Variants in ZBTB20 observed in about 807,000 individuals in gnomAD.
ZBTB20 encodes zinc finger and BTB domain containing 20.
Under a neutral mutation model 56.9 loss-of-function variants are expected in ZBTB20, and 9 were observed. That is an observed-to-expected ratio of 0.16 (90% CI 0.10 to 0.28). ZBTB20 has a LOEUF of 0.28. ZBTB20 is among the 10% of genes least tolerant of loss of function. The probability of loss-of-function intolerance (pLI) is 1.00; values close to 1 mark genes in which losing one functional copy is unlikely to be tolerated. For synonymous variants in ZBTB20, 417 were observed against 420.7 expected, an observed-to-expected ratio of 0.99 and a Z score of 0.11; for missense variants, 655 against 1,003.0, an observed-to-expected ratio of 0.65 and a Z score of 4.69.
At chr3:115,096,264 C>A (rs1487479665) in intron 1 of ZBTB20, among the ~76,000 whole-genome samples, 2 of 152,010 alleles carry the variant, frequency 1.3e-5, no homozygotes, top group Non-Finnish European at 2.9e-5. Flanking sequence ...GTAGGTAATA[C>A]CTGATTTCTA....
At chr3:114,721,635 T>C (rs1414702366) in intron 5 of ZBTB20, among the ~76,000 whole-genome samples, 8 of 152,162 alleles carry the variant, frequency 5.3e-5, no homozygotes, top group Non-Finnish European at 4.4e-5. Flanking sequence ...ATGCAGTTAG[T>C]AAGTGGTGAA....
chr3:114,614,842 C>A (rs1325866905), intron 6 of ZBTB20, among the ~76,000 whole-genome samples: 1 of 152,126 alleles, frequency 6.6e-6, no homozygotes, highest in Middle Eastern at 3.4e-3. Flanking sequence ...CAACCTCCAC[C>A]TCCCTCCCAG....
chr3:114,592,179 T>G (rs1336622306), intron 6 of ZBTB20, among the ~76,000 whole-genome samples: 1 of 152,180 alleles, frequency 6.6e-6, no homozygotes, highest in Non-Finnish European at 1.5e-5. Flanking sequence ...CTGAGAATTC[T>G]GAAGTGCTGG....
chr3:114,995,401 CT>C (rs2078984433), intron 2 of ZBTB20, among the ~76,000 whole-genome samples: 1 of 151,856 alleles, frequency 6.6e-6, no homozygotes, highest in Non-Finnish European at 1.5e-5. Context: ...TAGGTTGCTA[CT>C]TTTAGCATGC....
At chr3:114,776,795 G>A (rs1179700245) in intron 5 of ZBTB20, among the ~76,000 whole-genome samples, 1 of 152,196 alleles carries the variant, frequency 6.6e-6, no homozygotes, top group Non-Finnish European at 1.5e-5. Context: ...AGATACTGGA[G>A]ATATTAAGGG....
chr3:114,756,279 C>A (rs2068005644), intron 5 of ZBTB20, among the ~76,000 whole-genome samples: 1 of 152,086 alleles, frequency 6.6e-6, no homozygotes, highest in Non-Finnish European at 1.5e-5. Flanking sequence ...ATTCTTTGGG[C>A]TATAGATTCA....
At chr3:114,477,573 G>A (rs1214473919) in intron 7 of ZBTB20, among the ~76,000 whole-genome samples, 2 of 135,196 alleles carry the variant, frequency 1.5e-5, no homozygotes, top group Non-Finnish European at 3.0e-5. Flanking sequence ...TCAGCTCACC[G>A]CAACCTCTGC....
intron 2 of ZBTB20, among the ~76,000 whole-genome samples, chr3:114,993,027 G>A (rs2078882558): frequency 6.6e-6 from 1 of 151,886 alleles, no homozygotes; most frequent in South Asian, 2.1e-4. Flanking sequence ...CTGAGAATGA[G>A]CTAACCATAG....
intron 2 of ZBTB20, among the ~76,000 whole-genome samples, chr3:115,016,528 T>C (rs2079966507): frequency 6.6e-6 from 1 of 151,942 alleles, no homozygotes; most frequent in South Asian, 2.1e-4. Flanking sequence ...ATTTTCTGCA[T>C]ATGGCTAGCC....
rs1286112885 is a variant in ZBTB20, at chr3:114,315,739, AT to A, written c.*23265del. The A allele has an allele frequency of 1.2e-4, 18 of 152,220 alleles. No individual in the cohort carries two copies. Among genetic ancestry groups the A allele is most frequent in the Admixed American group, 8.5e-4 (13 of 15,274 alleles). 9.4% of individuals were successfully genotyped at this position (152,220 alleles called of 1,614,324 possible). ...AACACTGCGGCGGGAAAATCAGGAA[AT>A]GGGTTCACCTTTCAGCAGTCACCAC... On this transcript the variant is annotated 3_prime_UTR_variant, in exon 12 of 12. Transcript: ENST00000675478.
chr3:114,991,182 T>G (rs575611392), intron 2 of ZBTB20, among the ~76,000 whole-genome samples: 2 of 152,200 alleles, frequency 1.3e-5, no homozygotes, highest in African/African-American at 4.8e-5. Flanking sequence ...TCTCTAGTTC[T>G]TTTAATTGTG....
At chr3:114,691,756 A>C (rs753375018) in intron 6 of ZBTB20, among the ~76,000 whole-genome samples, 77 of 152,110 alleles carry the variant, frequency 5.1e-4, no homozygotes, top group Non-Finnish European at 8.1e-4. Flanking sequence ...AGAGTAAGGA[A>C]ATATATCAAA....
chr3:114,716,844 G>C, intron 5 of ZBTB20, among the ~76,000 whole-genome samples: 1 of 152,048 alleles, frequency 6.6e-6, no homozygotes, highest in Admixed American at 6.6e-5. Flanking sequence ...ATTTATAGGG[G>C]TGGCCATACC....
intron 6 of ZBTB20, among the ~76,000 whole-genome samples, chr3:114,563,804 A>G (rs73224515): frequency 2.6e-5 from 4 of 152,312 alleles, no homozygotes; most frequent in Non-Finnish European, 5.9e-5. Context: ...TAGAAGATTA[A>G]GTTAATAAAG....
chr3:114,993,852 AAAAAT>A (rs2108170320), intron 2 of ZBTB20, among the ~76,000 whole-genome samples: 1 of 151,898 alleles, frequency 6.6e-6, no homozygotes, highest in South Asian at 2.1e-4. Flanking sequence ...TAGCAAGTTA[AAAAAT>A]AATAGCAGAA....
At chr3:114,505,010 C>T (rs141054234) in intron 6 of ZBTB20, among the ~76,000 whole-genome samples, 4 of 152,266 alleles carry the variant, frequency 2.6e-5, no homozygotes, top group South Asian at 2.1e-4. Context: ...TTCAGGATTA[C>T]GCAGGCTAGT....
At chr3:114,738,429 T>C (rs541583907) in intron 5 of ZBTB20, among the ~76,000 whole-genome samples, 1 of 152,146 alleles carries the variant, frequency 6.6e-6, no homozygotes, top group Admixed American at 6.6e-5. Flanking sequence ...TTATTTATAA[T>C]GTAAAATGAC....
At chr3:114,733,081 G>A (rs2065875965) in intron 5 of ZBTB20, among the ~76,000 whole-genome samples, 1 of 152,104 alleles carries the variant, frequency 6.6e-6, no homozygotes, top group Non-Finnish European at 1.5e-5. Flanking sequence ...AAAGCAAAAT[G>A]TTCCAACATA....
chr3:114,692,908 G>C (rs1416384548), intron 6 of ZBTB20, among the ~76,000 whole-genome samples: 1 of 152,094 alleles, frequency 6.6e-6, no homozygotes, highest in Non-Finnish European at 1.5e-5. Context: ...TGGTAAAAGA[G>C]GATAGCCTTA....
Sources: gnomAD v4.1 joint callset for allele counts (sites outside exome capture counted in the v4.1 genomes callset) on GRCh38, gnomAD v4.1.1 for gene constraint, MANE v1.5 for transcripts, NCBI Gene and HGNC (gene_info 2026-07-23, HGNC 2026-07-21) for gene names.